CACUL1: variants seen among roughly 807,000 people sequenced by gnomAD.
The protein encoded by CACUL1 is CDK2 associated cullin domain 1, also known as CDK2-associated and cullin domain-containing protein 1.
CACUL1 carries 13 observed loss-of-function variants against 45.2 expected under a neutral mutation model. The observed-to-expected ratio is 0.29, with a 90% CI of 0.19 to 0.46. The LOEUF is 0.46. CACUL1 is among the 20% of genes least tolerant of loss of function. CACUL1 has a pLI of 1.00. For missense variants in CACUL1, 421 were observed against 471.4 expected (o/e 0.89, Z 0.99); for synonymous variants, 197 against 174.2 (o/e 1.13, Z -1.03).
intron 3 of CACUL1, among the ~76,000 whole-genome samples, chr10:118,710,639 C>T (rs150452168): frequency 1.1e-4 from 17 of 152,270 alleles, no homozygotes; most frequent in African/African-American, 4.1e-4. Context: ...TCAGTGGGGC[C>T]CCACTGCACT....
intron 3 of CACUL1, among the ~76,000 whole-genome samples, chr10:118,715,974 C>T (rs1845539487): frequency 6.6e-6 from 1 of 152,206 alleles, no homozygotes; most frequent in Non-Finnish European, 1.5e-5. Flanking sequence ...CGGTGGCTCA[C>T]ACCTGTAATC....
chr10:118,725,760 G>A (rs944379274), intron 3 of CACUL1, among the ~76,000 whole-genome samples: 1 of 152,198 alleles, frequency 6.6e-6, no homozygotes, highest in Non-Finnish European at 1.5e-5. Flanking sequence ...GTTAGATTAT[G>A]CTGTCATGTA....
intron 1 of CACUL1, among the ~76,000 whole-genome samples, chr10:118,741,108 G>A (rs760721064): frequency 1.6e-4 from 24 of 152,206 alleles, no homozygotes; most frequent in African/African-American, 5.1e-4. Flanking sequence ...TAAATGAATC[G>A]TAATTAAATG....
chr10:118,687,384 A>C (rs1845218066), intron 7 of CACUL1, among the ~76,000 whole-genome samples: 1 of 152,142 alleles, frequency 6.6e-6, no homozygotes, highest in Non-Finnish European at 1.5e-5. Flanking sequence ...GCTGACTCCA[A>C]TCCATCCCCA....
intron 3 of CACUL1, among the ~76,000 whole-genome samples, chr10:118,707,874 G>A (rs549570436): frequency 4.5e-4 from 68 of 152,210 alleles, no homozygotes; most frequent in Middle Eastern, 3.4e-3. Flanking sequence ...AAGGCTGGGC[G>A]TGGTGGCTCA....
Position 118,754,419 on chromosome 10 carries a change from A to T in CACUL1, c.344T>A (p.Ile115Asn). 6.3e-7 allele frequency: 1 copy of T among 1,588,728 alleles called. No homozygotes were observed. Among genetic ancestry groups the T allele is most frequent in the African/African-American group, 1.4e-5 (1 of 73,984 alleles). ...ACAGAACTTGGAGGTGGAGGTGTTG[A>T]TGTTGATGGTGGAGCTGGCGGTGGG... is the stretch of plus-strand genomic sequence containing the variant. Reference protein sequence around the residue: ...PAPTASSTININTSTSKFLMN... With the variant: ...PAPTASSTINNNTSTSKFLMN... Residue 115 changes from isoleucine to asparagine, a missense_variant, in exon 1 of 9, where the codon ATC (isoleucine) becomes AAC (asparagine). Around this residue, in one of 2 missense-constraint regions of CACUL1, gnomAD observed 213 missense variants for 173.1 expected, o/e 1.23. Transcript: ENST00000369151.
intron 1 of CACUL1, among the ~76,000 whole-genome samples, chr10:118,749,956 G>A (rs1357087257): frequency 6.6e-6 from 1 of 152,176 alleles, no homozygotes; most frequent in Non-Finnish European, 1.5e-5. Context: ...TCCTACCAAA[G>A]TAATAAACTC....
chr10:118,705,408 G>A (rs1001741650), intron 4 of CACUL1, among the ~76,000 whole-genome samples: 12 of 151,994 alleles, frequency 7.9e-5, no homozygotes, highest in African/African-American at 2.9e-4. Context: ...TTTCTCTCCT[G>A]GTATATTGTC....
At chr10:118,724,403 G>T (rs1845632605) in intron 3 of CACUL1, among the ~76,000 whole-genome samples, 1 of 151,958 alleles carries the variant, frequency 6.6e-6, no homozygotes, top group South Asian at 2.1e-4. Context: ...CAGCAGGGGG[G>T]GTGGTCCACA....
rs768492477 is a variant in CACUL1, at chr10:118,678,534, G to A, written c.*7594C>T. The stretch of plus-strand genomic sequence containing the variant: ...GTGAAAATCATTGGGAATTTTTTTG[G>A]AATTGCAATTTGGAGAAAAAGTTGA... On this transcript the variant is annotated 3_prime_UTR_variant, in exon 9 of 9. Transcript: ENST00000369151. 5.3e-5 allele frequency: 8 copies of A among 151,980 alleles called. No homozygotes were observed. The highest frequency in any genetic ancestry group is 1.2e-4 in the Non-Finnish European group (8 of 68,006). 9.4% of individuals were successfully genotyped at this position (151,980 alleles called of 1,614,324 possible).
chr10:118,737,970 A>T (rs965225476), intron 1 of CACUL1, among the ~76,000 whole-genome samples: 2 of 152,274 alleles, frequency 1.3e-5, no homozygotes, highest in African/African-American at 4.8e-5. Flanking sequence ...AACTGAGATT[A>T]CATAGGTGTA....
intron 1 of CACUL1, among the ~76,000 whole-genome samples, chr10:118,749,598 C>T (rs1165319249): frequency 6.6e-6 from 1 of 152,182 alleles, no homozygotes; most frequent in Non-Finnish European, 1.5e-5. Context: ...TGAGGAAGAA[C>T]CCCACATAAT....
intron 3 of CACUL1, among the ~76,000 whole-genome samples, chr10:118,721,599 C>T (rs1414975268): frequency 6.6e-6 from 1 of 152,116 alleles, no homozygotes; most frequent in Non-Finnish European, 1.5e-5. Flanking sequence ...GGTCTCTCCT[C>T]AACAGGACCC....
In CACUL1 at chr10:118,683,557, T is replaced by C. The variant is rs931189624; in HGVS notation, c.*2571A>G. The C allele has an allele frequency of 6.6e-6, 1 of 151,946 alleles. No individual in the cohort carries two copies. Among genetic ancestry groups the C allele is most frequent in the African/African-American group, 2.4e-5 (1 of 41,344 alleles). 9.4% of individuals were successfully genotyped at this position (151,946 alleles called of 1,614,324 possible). ...ACAAAATACAAAAAGTAGCCGGGCG[T>C]AGTGGCACGTGCCTGTAATTCCAGC... On this transcript the variant is annotated 3_prime_UTR_variant, in exon 9 of 9. Transcript: ENST00000369151.
Position 118,729,339 on chromosome 10 carries a change from T to C in CACUL1, c.553A>G (p.Lys185Glu). 6.2e-7 allele frequency: 1 copy of C among 1,613,250 alleles called. No homozygotes were observed. Among genetic ancestry groups the C allele is most frequent in the Admixed American group, 1.7e-5 (1 of 60,016 alleles). ...HSEQMYSDLI[K>E]KITNHLERVS... The stretch of plus-strand genomic sequence containing the variant: ...CTCTCTAAGTGATTAGTTATCTTTT[T>C]AATCAGATCACTATACATCTGTTCC... The change falls in exon 3 of 9, where the codon AAA (lysine) becomes GAA (glutamate). Residue 185 changes from lysine to glutamate, a missense_variant. Coordinates refer to ENST00000369151, the MANE Select transcript of CACUL1 (RefSeq NM_153810.5).
At position 118,681,331 on chromosome 10, in the gene CACUL1, C is replaced by T. The variant is rs1845151146; in HGVS notation, c.*4797G>A. On this transcript the variant is annotated 3_prime_UTR_variant, in exon 9 of 9. Transcript: ENST00000369151. Reference sequence around the variant, plus strand: ...TTTTCATAAGCATTCCTGTTACTAGCCATAGCTTCCCATGACTTCACATTT... The same window carrying T: ...TTTTCATAAGCATTCCTGTTACTAGTCATAGCTTCCCATGACTTCACATTT... The T allele has an allele frequency of 6.6e-6, 1 of 152,166 alleles. No homozygotes were observed. The highest frequency in any genetic ancestry group is 2.4e-5 in the African/African-American group (1 of 41,426). The allele number at this position is 152,166 out of a possible 1,614,324, so 9.4% of individuals were successfully genotyped here. A position where few individuals can be genotyped will look rare whatever the true frequency, so the allele number is the denominator to read the frequency against.
chr10:118,689,780 G>A (rs952762987), intron 7 of CACUL1, among the ~76,000 whole-genome samples: 2 of 152,184 alleles, frequency 1.3e-5, no homozygotes, highest in Non-Finnish European at 2.9e-5. Flanking sequence ...GCAATTCCAT[G>A]CATTGCTCTG....
intron 3 of CACUL1, among the ~76,000 whole-genome samples, chr10:118,712,113 A>G (rs1361905899): frequency 6.6e-6 from 1 of 152,232 alleles, no homozygotes; most frequent in Admixed American, 6.5e-5. Flanking sequence ...CAGAAAAATA[A>G]TAACCATTGT....
At chr10:118,742,062 C>G (rs182449159) in intron 1 of CACUL1, among the ~76,000 whole-genome samples, 1 of 152,186 alleles carries the variant, frequency 6.6e-6, no homozygotes, top group African/African-American at 2.4e-5. Flanking sequence ...AGCATTTAAT[C>G]ATAATGTATC....
Sources: allele counts gnomAD v4.1 joint callset (sites outside exome capture counted in the v4.1 genomes callset), GRCh38; gene constraint gnomAD v4.1.1; regional missense constraint gnomAD v4.1.1; transcripts MANE v1.5; gene names NCBI Gene and HGNC (gene_info 2026-07-23, HGNC 2026-07-21).